The following BRIP1 variants were observed in gnomAD, a reference collection of about 807,000 sequenced individuals.
BRIP1 encodes the protein Fanconi anemia group J protein.
A neutral mutation model predicts 119.7 loss-of-function variants in BRIP1; 88 were observed. That is an observed-to-expected ratio of 0.74 (90% confidence interval 0.62 to 0.88). The LOEUF is 0.88. BRIP1 is among the 40% of genes least tolerant of loss of function. The pLI, the probability that BRIP1 is intolerant of heterozygous loss-of-function variation, is 0.00. For synonymous variants in BRIP1, 443 were observed against 496.5 expected (o/e 0.89, Z 1.43); for missense variants, 1,259 against 1,455.4 (o/e 0.87, Z 2.20).
At chr17:61,835,945 A>G (rs958339511) in intron 6 of BRIP1, among the ~76,000 whole-genome samples, 2 of 152,120 alleles carry the variant, frequency 1.3e-5, no homozygotes, top group African/African-American at 4.8e-5. Flanking sequence ...ATATCCTTAT[A>G]AATTTATAGA....
At position 61,761,898 on chromosome 17, in the gene BRIP1, G is replaced by A. The variant is rs1303736771; in HGVS notation, c.2097+14503C>T. ...TCCAATGTCATTTTTCATAGAAATA[G>A]AAAAAAGAATCCTAAATTTCATATA... On this transcript the variant is annotated intron_variant, in intron 14 of 19. Coordinates refer to ENST00000259008, the MANE Select transcript of BRIP1 (RefSeq NM_032043.3). The surrounding 1 kb of genome is among the most constrained non-coding windows in gnomAD (Gnocchi z 6.4). Among the ~76,000 whole-genome samples the A allele has an allele frequency of 6.6e-6, 1 of 151,908 alleles. No individual in the cohort carries two copies. Among genetic ancestry groups the A allele is most frequent in the Non-Finnish European group, 1.5e-5 (1 of 67,942 alleles).
rs551338531 is a variant in BRIP1, at chr17:61,680,476, A to ATTT, written c.*2817_*2819dup. ...ATGTAGTTTACCAATTCTAAAGGTA[A>ATTT]TTTCTTTTTTTTTTTTTTTTTGAGA... On this transcript the variant is annotated 3_prime_UTR_variant, in exon 20 of 20. Coordinates refer to ENST00000259008, the MANE Select transcript of BRIP1 (RefSeq NM_032043.3). Among the ~76,000 whole-genome samples, 3 of 74,696 alleles carry ATTT rather than the reference A, an allele frequency of 4.0e-5. No individual in the cohort carries two copies. The highest frequency in any genetic ancestry group is 7.9e-5 in the Non-Finnish European group (3 of 38,000). 49.0% of individuals were successfully genotyped at this position (74,696 alleles called of 152,430 possible).
rs374941426 is a variant in BRIP1, at chr17:61,691,119, G to A, written c.2575+2311C>T. ...GGAGAGGGGGGAGGGATAGCATTAGGAGATATACCTAATGTAAACGACAAG... is the reference window on the plus strand; with the variant it reads ...GGAGAGGGGGGAGGGATAGCATTAGAAGATATACCTAATGTAAACGACAAG... On this transcript the variant is annotated intron_variant, in intron 18 of 19. Coordinates refer to ENST00000259008, the MANE Select transcript of BRIP1 (RefSeq NM_032043.3). The surrounding 1 kb of genome is among the most constrained non-coding windows in gnomAD (Gnocchi z 5.0). Among the ~76,000 whole-genome samples, 1 of 152,038 alleles carries A rather than the reference G, an allele frequency of 6.6e-6. No individual in the cohort carries two copies. Among genetic ancestry groups the A allele is most frequent in the African/African-American group, 2.4e-5 (1 of 41,486 alleles).
intron 6 of BRIP1, among the ~76,000 whole-genome samples, chr17:61,820,640 C>A (rs1016724647): frequency 1.3e-5 from 2 of 152,098 alleles, no homozygotes; most frequent in Non-Finnish European, 2.9e-5. Context: ...ATTTAAGTTG[C>A]CAACCCTGGT....
At chr17:61,785,787 G>T (rs1412519170) in intron 10 of BRIP1, among the ~76,000 whole-genome samples, 1 of 152,004 alleles carries the variant, frequency 6.6e-6, no homozygotes, top group African/African-American at 2.4e-5. Flanking sequence ...AATTTACTCT[G>T]ATAAAATATA....
rs2077192177 is a variant in BRIP1 at position 61,755,720 on chromosome 17, T to TCCTCCCTTCCTTTCTTCTCC, written c.2098-11149_2098-11130dup. ...GGTGAGACTTTGTTCATTCATTCCTTCCTCCCTTCCTTTCTTCTCCCCTCC... is the reference window on the plus strand; with the variant it reads ...GGTGAGACTTTGTTCATTCATTCCTTCCTCCCTTCCTTTCTTCTCCCCTCCCTTCCTTTCTTCTCCCCTCC... On this transcript the variant is annotated intron_variant, in intron 14 of 19. Coordinates refer to ENST00000259008, the MANE Select transcript of BRIP1 (RefSeq NM_032043.3). The surrounding 1 kb of genome is among the most constrained non-coding windows in gnomAD (Gnocchi z 4.5). Among the ~76,000 whole-genome samples, 1 of 152,114 alleles carries TCCTCCCTTCCTTTCTTCTCC rather than the reference T, an allele frequency of 6.6e-6. No homozygotes were observed. The highest frequency in any genetic ancestry group is 1.5e-5 in the Non-Finnish European group (1 of 68,016).
Position 61,759,920 on chromosome 17 carries a change from G to A in BRIP1, c.2098-15329C>T, listed in dbSNP as rs774661779. Among the ~76,000 whole-genome samples, 2 of 148,674 alleles carry A rather than the reference G, an allele frequency of 1.3e-5. No homozygotes were observed. The highest frequency in any genetic ancestry group is 2.5e-5 in the African/African-American group (1 of 40,630). On this transcript the variant is annotated intron_variant, in intron 14 of 19. Transcript: ENST00000259008. The surrounding 1 kb of genome is among the most constrained non-coding windows in gnomAD (Gnocchi z 4.9). Reference sequence around the variant, plus strand: ...AAAAAACCCAGAATATTTGCAAAGTGCGATAAAGCAAAGCACAATAAAATA... The same window carrying A: ...AAAAAACCCAGAATATTTGCAAAGTACGATAAAGCAAAGCACAATAAAATA...
intron 10 of BRIP1, among the ~76,000 whole-genome samples, chr17:61,786,172 G>T (rs746888698): frequency 2.0e-5 from 3 of 151,902 alleles, no homozygotes; most frequent in African/African-American, 7.3e-5. Context: ...GGAAGCAAAG[G>T]AAGAAGAGAG....
chr17:61,730,243 A>G lies in BRIP1; in HGVS notation c.2379+12770T>C, dbSNP rs2076827008. Among the ~76,000 whole-genome samples, 2 of 152,132 alleles carry G rather than the reference A, an allele frequency of 1.3e-5. No homozygotes were observed. The highest frequency in any genetic ancestry group is 1.3e-4 in the Admixed American group (2 of 15,278). On this transcript the variant is annotated intron_variant, in intron 16 of 19. Coordinates refer to ENST00000259008, the MANE Select transcript of BRIP1 (RefSeq NM_032043.3). This position sits in a 1 kb window ranked among gnomAD's most constrained non-coding sequence, Gnocchi z 4.3. ...TCTACTACAGTTTATGTTATTTGAGACCTTAAAGCTTTACAGTTAGAAAAA... is the reference window on the plus strand; with the variant it reads ...TCTACTACAGTTTATGTTATTTGAGGCCTTAAAGCTTTACAGTTAGAAAAA...
chr17:61,833,763 G>T (rs913132249), intron 6 of BRIP1, among the ~76,000 whole-genome samples: 1 of 151,530 alleles, frequency 6.6e-6, no homozygotes, highest in African/African-American at 2.4e-5. Flanking sequence ...AGGCAAATTT[G>T]CAGACAAGGC....
chr17:61,771,461 T>G (rs986384753), intron 14 of BRIP1, among the ~76,000 whole-genome samples: 4 of 152,174 alleles, frequency 2.6e-5, no homozygotes, highest in Non-Finnish European at 5.9e-5. Flanking sequence ...GAAAATATAC[T>G]TAACATCACT....
intron 17 of BRIP1, 44 bp downstream of exon 17, chr17:61,715,907 A>T: frequency 8.0e-7 from 1 of 1,250,380 alleles, no homozygotes. Flanking sequence ...TTATATATAT[A>T]GCCCTGTCAC....
rs1390887557 is a variant in BRIP1 at position 61,752,505 on chromosome 17, A to G, written c.2098-7914T>C. On this transcript the variant is annotated intron_variant, in intron 14 of 19. Coordinates refer to ENST00000259008, the MANE Select transcript of BRIP1 (RefSeq NM_032043.3). This position sits in a 1 kb window ranked among gnomAD's most constrained non-coding sequence, Gnocchi z 6.2. ...TTAGCAAAATTATATTTCAACTTAG[A>G]TATTTTTGTCTAATACAAATACAAA... Among the ~76,000 whole-genome samples, 1 of 152,230 alleles carries G rather than the reference A, an allele frequency of 6.6e-6. No individual in the cohort carries two copies. The highest frequency in any genetic ancestry group is 6.5e-5 in the Admixed American group (1 of 15,288).
At chr17:61,719,134 G>A (rs772473038) in intron 16 of BRIP1, among the ~76,000 whole-genome samples, 1 of 151,838 alleles carries the variant, frequency 6.6e-6, no homozygotes, top group Admixed American at 6.6e-5. Flanking sequence ...AAGATATGTG[G>A]AGTTACTTTC....
At position 61,796,683 on chromosome 17, in the gene BRIP1, G is replaced by A. The variant is rs1439133078; in HGVS notation, c.1340+2417C>T. The stretch of plus-strand genomic sequence containing the variant: ...TTTAAATACAGAGTTTTAAATAAAA[G>A]ACAGACTATCTATTTTACATGTTTA... On this transcript the variant is annotated intron_variant, in intron 9 of 19. Coordinates refer to ENST00000259008, the MANE Select transcript of BRIP1 (RefSeq NM_032043.3). The surrounding 1 kb of genome is among the most constrained non-coding windows in gnomAD (Gnocchi z 4.8). Among the ~76,000 whole-genome samples the A allele has an allele frequency of 6.6e-6, 1 of 151,914 alleles. No homozygotes were observed. The highest frequency in any genetic ancestry group is 1.5e-5 in the Non-Finnish European group (1 of 67,928).
chr17:61,715,377 T>A (rs2061844400), intron 17 of BRIP1, among the ~76,000 whole-genome samples: 1 of 152,124 alleles, frequency 6.6e-6, no homozygotes, highest in Admixed American at 6.6e-5. Flanking sequence ...AAATGATTTT[T>A]TTTTCTGTCA....
Position 61,700,376 on chromosome 17 carries a change from A to G in BRIP1, c.2493-6864T>C, listed in dbSNP as rs564862638. Among the ~76,000 whole-genome samples, 2 of 152,138 alleles carry G rather than the reference A, an allele frequency of 1.3e-5. No homozygotes were observed. Among genetic ancestry groups the G allele is most frequent in the African/African-American group, 2.4e-5 (1 of 41,412 alleles). ...GACTCCTTTTAGTATTTCTCGTAGGACAAGTTTGCTACAGAGTAATTCTCT... is the reference window on the plus strand; with the variant it reads ...GACTCCTTTTAGTATTTCTCGTAGGGCAAGTTTGCTACAGAGTAATTCTCT... On this transcript the variant is annotated intron_variant, in intron 17 of 19. Coordinates refer to ENST00000259008, the MANE Select transcript of BRIP1 (RefSeq NM_032043.3). The surrounding 1 kb of genome is among the most constrained non-coding windows in gnomAD (Gnocchi z 4.1).
intron 14 of BRIP1, among the ~76,000 whole-genome samples, chr17:61,765,168 T>C (rs1000693198): frequency 1.3e-5 from 2 of 151,042 alleles, no homozygotes; most frequent in African/African-American, 4.9e-5. Context: ...GTCCAGTCTG[T>C]GGTATTCTGT....
chr17:61,755,337 A>G lies in BRIP1; in HGVS notation c.2098-10746T>C, dbSNP rs2077186465. 6.6e-6 allele frequency among the ~76,000 whole-genome samples: 1 copy of G among 152,064 alleles called. No individual in the cohort carries two copies. The highest frequency in any genetic ancestry group is 2.4e-5 in the African/African-American group (1 of 41,402). On this transcript the variant is annotated intron_variant, in intron 14 of 19. Coordinates refer to ENST00000259008, the MANE Select transcript of BRIP1 (RefSeq NM_032043.3). The surrounding 1 kb of genome is among the most constrained non-coding windows in gnomAD (Gnocchi z 4.5). ...CACTTTGAGATGCTGAGGCTGGAGG[A>G]TCACTTGAGCCCAGGAGTTCAAGAC... is the stretch of plus-strand genomic sequence containing the variant.
Sources: gnomAD v4.1 joint callset for allele counts (sites outside exome capture counted in the v4.1 genomes callset) on GRCh38, gnomAD v4.1.1 for gene constraint, Gnocchi (gnomAD v3.1) non-coding constraint, MANE v1.5 for transcripts, NCBI Gene and HGNC (gene_info 2026-07-23, HGNC 2026-07-21) for gene names.